TENT5D: variants seen among roughly 807,000 people sequenced by gnomAD.
The protein encoded by TENT5D is cancer/testis antigen 112.
For synonymous variants in TENT5D, 103 were observed against 100.6 expected, an observed-to-expected ratio of 1.02 and a Z score of -0.15; for missense variants, 191 against 287.0, an observed-to-expected ratio of 0.67 and a Z score of 2.42.
chrX:80,335,615 G>T (rs1255822323), intron 1 of TENT5D: 1 of 112,017 alleles, frequency 8.9e-6, no homozygotes. Flanking sequence ...CTACTCCAAA[G>T]TCTTCTTAAC....
chrX:80,341,742 C>A, intron 2 of TENT5D, among the ~76,000 whole-genome samples: 1 of 94,247 alleles, frequency 1.1e-5, no homozygotes, highest in Non-Finnish European at 2.1e-5. Flanking sequence ...GACGGAGTCT[C>A]GCTCTGTCGC....
At chrX:80,364,356 G>C (rs1431080007) in intron 3 of TENT5D, among the ~76,000 whole-genome samples, 3 of 111,758 alleles carry the variant, frequency 2.7e-5, no homozygotes, top group Non-Finnish European at 5.6e-5. Flanking sequence ...TGTCAAACCA[G>C]AAGGCAGAGA....
chrX:80,356,299 G>T (rs1441807578), intron 3 of TENT5D, among the ~76,000 whole-genome samples: 1 of 111,695 alleles, frequency 9.0e-6, no homozygotes, highest in African/African-American at 3.3e-5. Flanking sequence ...CTAAAGTTGA[G>T]AGTAGCCTAT....
intron 3 of TENT5D, among the ~76,000 whole-genome samples, chrX:80,387,031 A>G (rs1027479630): frequency 1.2e-4 from 13 of 112,583 alleles, no homozygotes; most frequent in African/African-American, 3.2e-4. Flanking sequence ...ATCAAAATGG[A>G]TAATTTCATA....
chrX:80,384,674 C>T (rs1390105405), intron 3 of TENT5D, among the ~76,000 whole-genome samples: 3 of 102,394 alleles, frequency 2.9e-5, no homozygotes, highest in African/African-American at 1.1e-4. Flanking sequence ...ATCTAGAAAA[C>T]CCCATTGTCT....
chrX:80,353,623 G>T (rs1462515956), intron 3 of TENT5D, among the ~76,000 whole-genome samples: 3 of 112,182 alleles, frequency 2.7e-5, no homozygotes, highest in Non-Finnish European at 3.8e-5. Context: ...TTCTTTTTAT[G>T]GCTGCATAGT....
At chrX:80,371,557 T>C (rs886960545) in intron 3 of TENT5D, among the ~76,000 whole-genome samples, 2 of 112,243 alleles carry the variant, frequency 1.8e-5, no homozygotes, top group African/African-American at 6.5e-5. Context: ...TGTAGCCACC[T>C]TCATCAATTA....
At chrX:80,344,384 C>G (rs773028855) in intron 3 of TENT5D, among the ~76,000 whole-genome samples, 1 of 110,984 alleles carries the variant, frequency 9.0e-6, no homozygotes, top group East Asian at 2.8e-4. Flanking sequence ...AAACTGCTTT[C>G]CACAGTGGCT....
At chrX:80,434,762 C>G (rs1263145663) in intron 1 of TENT5D, among the ~76,000 whole-genome samples, 1 of 107,403 alleles carries the variant, frequency 9.3e-6, no homozygotes, top group African/African-American at 3.4e-5. Context: ...GAACTCTCTT[C>G]TGAAACTTCG....
intron 2 of TENT5D, among the ~76,000 whole-genome samples, chrX:80,338,755 TGAA>T (rs922651515): frequency 3.6e-5 from 4 of 112,155 alleles, no homozygotes; most frequent in African/African-American, 1.3e-4. Context: ...TCACTAGAAA[TGAA>T]GAGAGCATAG....
At chrX:80,352,121 A>G (rs4826023) in intron 3 of TENT5D, among the ~76,000 whole-genome samples, 13,115 of 111,879 alleles carry the variant, frequency 0.12, 865 homozygotes, top group African/African-American at 0.25. Flanking sequence ...AGGAGGCATG[A>G]GGGTCAGGGA....
upstream of TENT5D, among the ~76,000 whole-genome samples, chrX:80,420,063 T>C (rs1213804048): frequency 1.8e-5 from 2 of 111,612 alleles, no homozygotes; most frequent in Non-Finnish European, 1.9e-5. Flanking sequence ...CATGTTCACT[T>C]GGGGGTAAAA....
chrX:80,366,601 T>C (rs1024791405), intron 3 of TENT5D, among the ~76,000 whole-genome samples: 2 of 111,503 alleles, frequency 1.8e-5, no homozygotes, highest in African/African-American at 6.5e-5. Context: ...TCATATATTG[T>C]ATTCTGCTTG....
At chrX:80,407,686 G>A (rs1301279502) in intron 3 of TENT5D, among the ~76,000 whole-genome samples, 1 of 108,675 alleles carries the variant, frequency 9.2e-6, no homozygotes, top group Non-Finnish European at 1.9e-5. Flanking sequence ...ACATTAGACA[G>A]ATCAACGAGA....
chrX:80,377,388 T>C (rs1034894433), intron 3 of TENT5D, among the ~76,000 whole-genome samples: 1 of 110,914 alleles, frequency 9.0e-6, no homozygotes, highest in African/African-American at 3.3e-5. Context: ...CTCCCCCATA[T>C]ACCCACTCCA....
intron 2 of TENT5D, among the ~76,000 whole-genome samples, chrX:80,340,131 A>G (rs1306396374): frequency 9.0e-6 from 1 of 111,202 alleles, no homozygotes; most frequent in African/African-American, 3.3e-5. Context: ...GTAGGATTCA[A>G]AAATTCTTCA....
intron 1 of TENT5D, among the ~76,000 whole-genome samples, chrX:80,431,437 A>G (rs1932087690): frequency 8.9e-6 from 1 of 112,000 alleles, no homozygotes; most frequent in African/African-American, 3.2e-5. Flanking sequence ...TTTTTAGACA[A>G]AAGTTAGAAA....
At chrX:80,417,146 A>G (rs1161900553), upstream of TENT5D, among the ~76,000 whole-genome samples, 8 of 108,432 alleles carry the variant, frequency 7.4e-5, no homozygotes, top group Non-Finnish European at 1.1e-4. Flanking sequence ...TCTATTTTCC[A>G]TTTGTATGAA....
At chrX:80,385,955 A>G (rs1260123443) in intron 3 of TENT5D, among the ~76,000 whole-genome samples, 12 of 111,951 alleles carry the variant, frequency 1.1e-4, no homozygotes, top group Non-Finnish European at 1.9e-5. Flanking sequence ...AAAAATAGGA[A>G]CGCTTTTACA....
Sources: gnomAD v4.1 joint callset for allele counts (sites outside exome capture counted in the v4.1 genomes callset) on GRCh38, gnomAD v4.1.1 for gene constraint, MANE v1.5 for transcripts, NCBI Gene and HGNC (gene_info 2026-07-23, HGNC 2026-07-21) for gene names.